NRG3: variants seen among roughly 807,000 people sequenced by gnomAD.
NRG3 encodes the protein pro-neuregulin-3, membrane-bound isoform.
In NRG3, 31 loss-of-function variants were observed where a neutral mutation model predicts 66.9. The observed-to-expected ratio is 0.46, with a 90% CI of 0.35 to 0.63. The LOEUF (loss-of-function observed/expected upper bound fraction) is 0.63, where lower values mean the gene tolerates loss of function less well. Ranked by LOEUF, NRG3 falls within the 20% of genes least tolerant of loss-of-function variation. The pLI is 0.00. For synonymous variants in NRG3, 393 were observed against 359.4 expected, an observed-to-expected ratio of 1.09 and a Z score of -1.06; for missense variants, 910 against 878.9, an observed-to-expected ratio of 1.04 and a Z score of -0.45.
At chr10:82,340,707 C>T (rs1348750189) in intron 1 of NRG3, 1 of 152,096 alleles carries the variant, frequency 6.6e-6, no homozygotes, top group African/African-American at 2.4e-5. Context: ...TTGCACTCAC[C>T]TACCTCCCCC....
In NRG3 at chr10:82,749,789, GA is replaced by G. The variant is rs575504995; in HGVS notation, c.1027+11154del. ...TTTTGAGTGAGTAGAAGGAAGCACT[GA>G]AAAAAAAAAAAAAAGATGGAAAATG... On this transcript the variant is annotated intron_variant, in intron 3 of 8. Transcript: ENST00000372141. Among the ~76,000 whole-genome samples, 1,106 of 119,038 alleles carry G rather than the reference GA, an allele frequency of 9.3e-3. 9 individuals are homozygous for G. Among genetic ancestry groups the G allele is most frequent in the East Asian group, 0.026 (102 of 3,910 alleles). The allele number at this position is 119,038 out of a possible 152,430, so 78.1% of individuals were successfully genotyped here.
chr10:82,720,378 CA>C (rs557868911), intron 2 of NRG3, among the ~76,000 whole-genome samples: 6 of 140,508 alleles, frequency 4.3e-5, no homozygotes, highest in Non-Finnish European at 7.8e-5. Flanking sequence ...TGACTGGTCT[CA>C]AAAAAAAAAC....
At chr10:81,951,803 C>T (rs2133195741) in intron 1 of NRG3, among the ~76,000 whole-genome samples, 1 of 152,282 alleles carries the variant, frequency 6.6e-6, no homozygotes, top group East Asian at 1.9e-4. Context: ...AATCATGCTG[C>T]TATAAAGACA....
intron 1 of NRG3, among the ~76,000 whole-genome samples, chr10:82,206,709 G>T (rs1367558305): frequency 6.6e-6 from 1 of 152,038 alleles, no homozygotes; most frequent in Non-Finnish European, 1.5e-5. Flanking sequence ...CTATCTCAGG[G>T]ACCTTTACAC....
chr10:82,947,057 T>C (rs1337592467), intron 4 of NRG3, among the ~76,000 whole-genome samples: 10 of 152,186 alleles, frequency 6.6e-5, no homozygotes, highest in Admixed American at 6.5e-4. Flanking sequence ...TTGAGACGAT[T>C]AACATGTCTG....
intron 1 of NRG3, among the ~76,000 whole-genome samples, chr10:82,037,367 C>G (rs1230561545): frequency 6.6e-6 from 1 of 152,148 alleles, no homozygotes; most frequent in Non-Finnish European, 1.5e-5. Context: ...GAAGTCTGGT[C>G]TCCATGGCAC....
chr10:81,944,346 G>A (rs1295092721), intron 1 of NRG3, among the ~76,000 whole-genome samples: 1 of 152,218 alleles, frequency 6.6e-6, no homozygotes, highest in African/African-American at 2.4e-5. Flanking sequence ...GAAAGTCATT[G>A]TATAGCTACA....
chr10:82,616,876 A>G (rs1315091846), intron 2 of NRG3, among the ~76,000 whole-genome samples: 1 of 152,202 alleles, frequency 6.6e-6, no homozygotes, highest in African/African-American at 2.4e-5. Context: ...TATATTAAAT[A>G]GATCATTTTT....
At chr10:82,620,793 T>C (rs1348360710) in intron 2 of NRG3, among the ~76,000 whole-genome samples, 1 of 152,050 alleles carries the variant, frequency 6.6e-6, no homozygotes, top group Non-Finnish European at 1.5e-5. Flanking sequence ...CTGCCCAGAA[T>C]TTCTGTTTCC....
intron 1 of NRG3, among the ~76,000 whole-genome samples, chr10:81,886,184 A>G (rs1842600011): frequency 6.6e-6 from 1 of 152,130 alleles, no homozygotes; most frequent in Non-Finnish European, 1.5e-5. Context: ...TAAAAAACAA[A>G]AACAAAAACT....
At chr10:82,240,468 A>AT (rs1208780970) in intron 1 of NRG3, among the ~76,000 whole-genome samples, 1 of 152,174 alleles carries the variant, frequency 6.6e-6, no homozygotes, top group Non-Finnish European at 1.5e-5. Context: ...GAAGAATGGA[A>AT]TTTTTGAAGT....
intron 3 of NRG3, among the ~76,000 whole-genome samples, chr10:82,810,705 G>T (rs2061454919): frequency 6.7e-6 from 1 of 148,528 alleles, no homozygotes; most frequent in South Asian, 2.3e-4. Flanking sequence ...GGAAGTTGTG[G>T]TGAGCCAAGA....
chr10:82,441,137 T>C (rs2090412791), intron 2 of NRG3, among the ~76,000 whole-genome samples: 1 of 152,246 alleles, frequency 6.6e-6, no homozygotes, highest in African/African-American at 2.4e-5. Flanking sequence ...CTCTTAGAAG[T>C]AATAGTTTTA....
chr10:82,936,563 A>G (rs1055899459), intron 4 of NRG3, among the ~76,000 whole-genome samples: 7 of 152,142 alleles, frequency 4.6e-5, no homozygotes, highest in African/African-American at 1.7e-4. Context: ...ATAGTCAATG[A>G]TGATATTTTG....
intron 4 of NRG3, among the ~76,000 whole-genome samples, chr10:82,907,508 C>T (rs1844863816): frequency 6.6e-6 from 1 of 152,034 alleles, no homozygotes; most frequent in Non-Finnish European, 1.5e-5. Flanking sequence ...TGTCTGGAGG[C>T]TATTAAGAAG....
chr10:81,954,407 G>T (rs372773219), intron 1 of NRG3, among the ~76,000 whole-genome samples: 3 of 152,114 alleles, frequency 2.0e-5, no homozygotes, highest in Admixed American at 2.0e-4. Context: ...GCATGCAATG[G>T]ATGCTTCTAA....
intron 1 of NRG3, among the ~76,000 whole-genome samples, chr10:82,297,987 C>CA (rs1428816717): frequency 6.6e-6 from 1 of 151,806 alleles, no homozygotes; most frequent in Non-Finnish European, 1.5e-5. Flanking sequence ...ACAAAAACTG[C>CA]AAAAAAATTA....
At chr10:82,506,042 C>CT (rs1844639872) in intron 2 of NRG3, among the ~76,000 whole-genome samples, 1 of 152,048 alleles carries the variant, frequency 6.6e-6, no homozygotes, top group Non-Finnish European at 1.5e-5. Context: ...TGTCAGGAGA[C>CT]TGAGACCATC....
intron 2 of NRG3, among the ~76,000 whole-genome samples, chr10:82,522,583 G>T (rs1296554517): frequency 6.6e-6 from 1 of 152,036 alleles, no homozygotes; most frequent in African/African-American, 2.4e-5. Context: ...GTGTGCATAT[G>T]TTGTTTGCAA....
Sources: gnomAD v4.1 joint callset for allele counts (sites outside exome capture counted in the v4.1 genomes callset) on GRCh38, gnomAD v4.1.1 for gene constraint, MANE v1.5 for transcripts, NCBI Gene and HGNC (gene_info 2026-07-23, HGNC 2026-07-21) for gene names.